The following MOB3B variants were observed in gnomAD, a reference collection of about 807,000 sequenced individuals.
The protein encoded by MOB3B is MOB kinase activator 3B, also known as MOB kinase activator-like 2B.
In MOB3B, 7 loss-of-function variants were observed where a neutral mutation model predicts 18.7. That is an observed-to-expected ratio of 0.37 (90% confidence interval 0.21 to 0.70). The LOEUF (loss-of-function observed/expected upper bound fraction) is 0.70. MOB3B is among the 30% of genes least tolerant of loss of function. MOB3B has a pLI of 0.52. For missense variants in MOB3B, 253 were observed against 281.3 expected, an observed-to-expected ratio of 0.90 and a Z score of 0.72; for synonymous variants, 111 against 99.9, an observed-to-expected ratio of 1.11 and a Z score of -0.66.
chr9:27,452,563 A>C (rs1006829477), intron 2 of MOB3B, among the ~76,000 whole-genome samples: 2 of 152,242 alleles, frequency 1.3e-5, no homozygotes, highest in African/African-American at 4.8e-5. Flanking sequence ...GAAAGAAAAT[A>C]CATAATTTAA....
chr9:27,370,933 C>T (rs567825682), intron 2 of MOB3B, among the ~76,000 whole-genome samples: 39 of 152,228 alleles, frequency 2.6e-4, no homozygotes, highest in African/African-American at 7.0e-4. Flanking sequence ...AACCAAGTCA[C>T]GTCTAAGGAG....
intron 3 of MOB3B, among the ~76,000 whole-genome samples, chr9:27,347,693 C>T (rs1394538662): frequency 6.6e-6 from 1 of 152,222 alleles, no homozygotes; most frequent in African/African-American, 2.4e-5. Context: ...CTACAAGCTC[C>T]ATTCATGGCA....
intron 1 of MOB3B, among the ~76,000 whole-genome samples, chr9:27,509,190 A>G (rs2036851236): frequency 6.6e-6 from 1 of 152,214 alleles, no homozygotes; most frequent in Admixed American, 6.5e-5. Flanking sequence ...ATAAAAATAC[A>G]TAAATATACA....
intron 2 of MOB3B, among the ~76,000 whole-genome samples, chr9:27,444,996 A>C (rs543062060): frequency 6.6e-6 from 1 of 152,308 alleles, no homozygotes; most frequent in East Asian, 1.9e-4. Context: ...GATGTAAAAA[A>C]TTATTTCTTT....
Position 27,351,206 on chromosome 9 carries a change from A to T in MOB3B, c.621+7828T>A, listed in dbSNP as rs56380821. Among the ~76,000 whole-genome samples the T allele has an allele frequency of 2.6e-5, 4 of 152,096 alleles. No individual in the cohort carries two copies. The East Asian group carries it at 7.7e-4, about 29-fold the overall frequency. ...GCGTGAGCCACCACGCCTGGCCCAC[A>T]GTGGGCTTTAATCCATGAAGGGCTC... On this transcript the variant is annotated intron_variant, in intron 3 of 3. Transcript: ENST00000262244.
At chr9:27,361,038 C>A (rs946856942) in intron 2 of MOB3B, among the ~76,000 whole-genome samples, 1 of 152,074 alleles carries the variant, frequency 6.6e-6, no homozygotes, top group African/African-American at 2.4e-5. Context: ...AAGCCTGAGT[C>A]CCAGAAGTGA....
At chr9:27,342,537 C>T (rs1219219893) in intron 3 of MOB3B, among the ~76,000 whole-genome samples, 1 of 152,054 alleles carries the variant, frequency 6.6e-6, no homozygotes, top group Non-Finnish European at 1.5e-5. Context: ...GACTGTACTG[C>T]CGCCATCTTG....
At chr9:27,377,258 C>G (rs1821502490) in intron 2 of MOB3B, among the ~76,000 whole-genome samples, 1 of 152,114 alleles carries the variant, frequency 6.6e-6, no homozygotes, top group African/African-American at 2.4e-5. Context: ...TCTGAACACC[C>G]AAAACAGATG....
chr9:27,376,901 C>T lies in MOB3B; in HGVS notation c.419-17665G>A, dbSNP rs1212808165. Among the ~76,000 whole-genome samples, 3 of 152,228 alleles carry T rather than the reference C, an allele frequency of 2.0e-5. No homozygotes were observed. The East Asian group carries it at 5.8e-4, about 29-fold the overall frequency. On this transcript the variant is annotated intron_variant, in intron 2 of 3. Coordinates refer to ENST00000262244, the MANE Select transcript of MOB3B (RefSeq NM_024761.5). ...AACCACAGGCCTAGAATATTCCTGG[C>T]TCAAGGATCTAGCTTGCTTAACCAA...
intron 1 of MOB3B, among the ~76,000 whole-genome samples, chr9:27,481,107 A>G (rs1819641920): frequency 6.6e-6 from 1 of 152,230 alleles, no homozygotes; most frequent in Admixed American, 6.5e-5. Flanking sequence ...AATCTCTGAA[A>G]GAATAAAACA....
Position 27,523,478 on chromosome 9 carries a change from A to G in MOB3B, c.-199+6077T>C, listed in dbSNP as rs1014042290. On this transcript the variant is annotated intron_variant, in intron 1 of 3. Coordinates refer to ENST00000262244, the MANE Select transcript of MOB3B (RefSeq NM_024761.5). ...CTAAACTGCACCAAAAAAAAAAAAG[A>G]AAAGAAAAGAAAAGAAAATGATACT... 2.0e-5 allele frequency among the ~76,000 whole-genome samples: 3 copies of G among 150,700 alleles called. No homozygotes were observed. In the East Asian group the frequency reaches 5.9e-4, roughly 29 times the overall value.
chr9:27,488,600 GT>G (rs973150031), intron 1 of MOB3B, among the ~76,000 whole-genome samples: 3 of 152,066 alleles, frequency 2.0e-5, no homozygotes, highest in Admixed American at 6.6e-5. Flanking sequence ...TAGAGACAGG[GT>G]TTCACCACAT....
At chr9:27,400,880 G>A (rs1024318030) in intron 2 of MOB3B, among the ~76,000 whole-genome samples, 7 of 152,188 alleles carry the variant, frequency 4.6e-5, no homozygotes, top group African/African-American at 7.2e-5. Context: ...TCTAGCTTAG[G>A]CTTCTGTGGA....
At chr9:27,407,905 T>G (rs1193261928) in intron 2 of MOB3B, among the ~76,000 whole-genome samples, 1 of 151,850 alleles carries the variant, frequency 6.6e-6, no homozygotes, top group Non-Finnish European at 1.5e-5. Context: ...ACTTGGGCTC[T>G]GCATTCTTTG....
chr9:27,419,106 G>A (rs558998298), intron 2 of MOB3B, among the ~76,000 whole-genome samples: 368 of 147,652 alleles, frequency 2.5e-3, no homozygotes, highest in Non-Finnish European at 3.9e-3. Context: ...CCAAGGAGTC[G>A]AAAGACCTCT....
At chr9:27,444,404 G>T (rs1822659554) in intron 2 of MOB3B, among the ~76,000 whole-genome samples, 1 of 152,070 alleles carries the variant, frequency 6.6e-6, no homozygotes, top group Admixed American at 6.5e-5. Flanking sequence ...TGGAGCTCGG[G>T]TATTAGAAGG....
chr9:27,439,474 CTTA>C (rs2131431367), intron 2 of MOB3B, among the ~76,000 whole-genome samples: 1 of 152,202 alleles, frequency 6.6e-6, no homozygotes, highest in East Asian at 1.9e-4. Context: ...TCTGTCTTAC[CTTA>C]TTATGGGAGG....
chr9:27,476,800 A>G (rs1398363697), intron 1 of MOB3B, among the ~76,000 whole-genome samples: 2 of 152,178 alleles, frequency 1.3e-5, no homozygotes, highest in African/African-American at 2.4e-5. Flanking sequence ...CCATCTCTGC[A>G]TTTGTGCTGA....
chr9:27,384,942 GTC>G (rs1466520625), intron 2 of MOB3B, among the ~76,000 whole-genome samples: 2 of 152,212 alleles, frequency 1.3e-5, no homozygotes, highest in Admixed American at 1.3e-4. Flanking sequence ...CTTGGGTCAT[GTC>G]TCTCACAATA....
Sources: gnomAD v4.1 joint callset for allele counts (sites outside exome capture counted in the v4.1 genomes callset) on GRCh38, gnomAD v4.1.1 for gene constraint, MANE v1.5 for transcripts, NCBI Gene and HGNC (gene_info 2026-07-23, HGNC 2026-07-21) for gene names.